The following PCDHGB2 variants were observed in gnomAD, a reference collection of about 807,000 sequenced individuals.
PCDHGB2 encodes the protein protocadherin gamma-B2.
Under a neutral mutation model 59.3 loss-of-function variants are expected in PCDHGB2, and 55 were observed. The ratio of observed to expected loss-of-function variants is 0.93; its 90% CI spans 0.75 to 1.16. The LOEUF is 1.16. Among genes scored for constraint, PCDHGB2 ranks in the 50% most tolerant of loss-of-function variants. PCDHGB2 has a pLI of 0.00. For missense variants in PCDHGB2, 1,228 were observed against 1,198.5 expected (o/e 1.02, Z -0.36); for synonymous variants, 516 against 512.0 (o/e 1.01, Z -0.11).
chr5:141,395,016 G>A (rs772379480), intron 1 of PCDHGB2: 2 of 1,614,068 alleles, frequency 1.2e-6, no homozygotes, highest in Non-Finnish European at 1.7e-6. Flanking sequence ...ATTGGTAGGC[G>A]TGCCTGCCTC....
intron 1 of PCDHGB2, chr5:141,400,071 GC>G: frequency 6.2e-7 from 1 of 1,613,942 alleles, no homozygotes; most frequent in Non-Finnish European, 8.5e-7. Flanking sequence ...GTGGACAGCC[GC>G]CACTCTCCGC....
At chr5:141,469,782 G>A (rs760985231) in intron 1 of PCDHGB2, among the ~76,000 whole-genome samples, 8 of 152,204 alleles carry the variant, frequency 5.3e-5, no homozygotes, top group African/African-American at 1.7e-4. Context: ...TTATTACAGC[G>A]TTATTTGTAA....
intron 1 of PCDHGB2, among the ~76,000 whole-genome samples, chr5:141,484,723 G>T (rs930331672): frequency 1.3e-5 from 2 of 151,930 alleles, no homozygotes; most frequent in Non-Finnish European, 2.9e-5. Flanking sequence ...AAGGGGCGGG[G>T]TCAGTCGGTG....
chr5:141,432,632 G>A lies in PCDHGB2; in HGVS notation c.2422-62175G>A. 3.7e-6 allele frequency: 6 copies of A among 1,612,834 alleles called. No individual in the cohort carries two copies. The highest frequency in any genetic ancestry group is 5.1e-6 in the Non-Finnish European group (6 of 1,179,706). On this transcript the variant is annotated intron_variant, in intron 1 of 3. Coordinates refer to ENST00000522605, the MANE Select transcript of PCDHGB2 (RefSeq NM_018923.3). The surrounding 1 kb of genome is among the most constrained non-coding windows in gnomAD (Gnocchi z 6.0). ...CTTCTCGGTGGGTCTGCACACGGGC[G>A]AGGTGCGCACGGCGCGAGCCCTGCT...
intron 1 of PCDHGB2, among the ~76,000 whole-genome samples, chr5:141,466,916 GT>G (rs1204028461): frequency 6.6e-6 from 1 of 152,010 alleles, no homozygotes; most frequent in Non-Finnish European, 1.5e-5. Context: ...AAAACTCCTT[GT>G]ATTAGGAATA....
At chr5:141,365,447 G>C in intron 1 of PCDHGB2, 2 of 1,614,034 alleles carry the variant, frequency 1.2e-6, no homozygotes, top group Non-Finnish European at 1.7e-6. Flanking sequence ...TAGCGTACAT[G>C]ATGGTGATTC....
chr5:141,375,010 T>C (rs1771037027), intron 1 of PCDHGB2: 3 of 1,613,932 alleles, frequency 1.9e-6, no homozygotes, highest in Non-Finnish European at 1.7e-6. Context: ...ATCTAGACTA[T>C]GAGGACTCGA....
chr5:141,392,804 CA>C (rs1345839746), intron 1 of PCDHGB2: 1 of 1,573,894 alleles, frequency 6.4e-7, no homozygotes, highest in African/African-American at 1.4e-5. Flanking sequence ...GATTCTGCAG[CA>C]AAACAACAAT....
chr5:141,372,754 G>T, intron 1 of PCDHGB2: 6 of 1,613,022 alleles, frequency 3.7e-6, no homozygotes, highest in African/African-American at 1.3e-5. Context: ...GAAGCCTCTT[G>T]GTTTGAAAGT....
At chr5:141,379,227 T>C (rs1355383312) in intron 1 of PCDHGB2, 3 of 152,248 alleles carry the variant, frequency 2.0e-5, no homozygotes, top group Non-Finnish European at 4.4e-5. Flanking sequence ...TATGTGTTTT[T>C]CTGAACCAAT....
At chr5:141,391,868 A>T (rs1269292273) in intron 1 of PCDHGB2, 1 of 152,190 alleles carries the variant, frequency 6.6e-6, no homozygotes, top group Non-Finnish European at 1.5e-5. Context: ...AAATTTAATC[A>T]TCTCTTTGGT....
chr5:141,465,257 T>C (rs968727090), intron 1 of PCDHGB2, among the ~76,000 whole-genome samples: 19 of 152,310 alleles, frequency 1.2e-4, no homozygotes, highest in Admixed American at 1.2e-3. Flanking sequence ...TTGTAAGCAA[T>C]GATACTAGCC....
chr5:141,374,826 G>A (rs768485677), intron 1 of PCDHGB2: 141 of 1,613,770 alleles, frequency 8.7e-5, no homozygotes, highest in Non-Finnish European at 1.1e-4. Context: ...CCTGTCTACC[G>A]TGTAAGTGTT....
chr5:141,503,045 G>A (rs543484478), intron 2 of PCDHGB2, among the ~76,000 whole-genome samples: 1 of 151,702 alleles, frequency 6.6e-6, no homozygotes, highest in South Asian at 2.1e-4. Context: ...AGTTGAGACA[G>A]GGTTTCACCA....
Position 141,393,873 on chromosome 5 carries a change from A to G in PCDHGB2, c.2421+31317A>G, listed in dbSNP as rs759255236. The G allele has an allele frequency of 1.9e-6, 3 of 1,613,916 alleles. No individual in the cohort carries two copies. In the Admixed American group the frequency reaches 5.0e-5, roughly 27 times the overall value. On this transcript the variant is annotated intron_variant, in intron 1 of 3. Coordinates refer to ENST00000522605, the MANE Select transcript of PCDHGB2 (RefSeq NM_018923.3). ...AGAAGTGATCATTACGTCTTTGTTT[A>G]GCCCAGTGTTAGAAAATTCTCTTCC...
At chr5:141,415,177 G>A (rs758980730) in intron 1 of PCDHGB2, 26 of 1,613,808 alleles carry the variant, frequency 1.6e-5, no homozygotes, top group East Asian at 4.5e-5. Flanking sequence ...CACCGTGGCC[G>A]TGGCCGACAG....
intron 1 of PCDHGB2, chr5:141,419,057 A>T: frequency 6.2e-7 from 1 of 1,613,900 alleles, no homozygotes; most frequent in East Asian, 2.2e-5. Flanking sequence ...TTCTTCTAAT[A>T]ATTACTACAA....
chr5:141,360,377 G>C lies in PCDHGB2; in HGVS notation c.242G>C (p.Ser81Thr), dbSNP rs1761565545. The part of the protein sequence containing the change: ...EKEYFTVNPE[S>T]GDLLVSDRID... The stretch of plus-strand genomic sequence containing the variant: ...GAATATTTCACAGTAAACCCAGAAA[G>C]CGGAGACTTACTTGTGAGTGACAGA... Residue 81 changes from serine to threonine, a missense_variant, in exon 1 of 4, where the codon AGC becomes ACC. Ser to Thr is a moderately conservative substitution (Grantham distance 58). Around this residue, in one of 3 missense-constraint regions of PCDHGB2, gnomAD observed 781 missense variants for 721.6 expected, o/e 1.08. Transcript: ENST00000522605. 6.2e-7 allele frequency: 1 copy of C among 1,613,920 alleles called. No individual in the cohort carries two copies. The highest frequency in any genetic ancestry group is 1.3e-5 in the African/African-American group (1 of 75,038).
intron 1 of PCDHGB2, chr5:141,413,526 G>T: frequency 6.2e-7 from 1 of 1,613,936 alleles, no homozygotes; most frequent in Non-Finnish European, 8.5e-7. Context: ...TGGAAGACAG[G>T]GTGAAACTTT....
Sources: gnomAD v4.1 joint callset for allele counts (sites outside exome capture counted in the v4.1 genomes callset) on GRCh38, gnomAD v4.1.1 for gene constraint, gnomAD v4.1.1 regional missense constraint, Gnocchi (gnomAD v3.1) non-coding constraint, MANE v1.5 for transcripts, NCBI Gene and HGNC (gene_info 2026-07-23, HGNC 2026-07-21) for gene names.